PLAC1: variants seen among roughly 807,000 people sequenced by gnomAD.
PLAC1 encodes placenta associated 1.
For synonymous variants in PLAC1, 68 were observed against 62.1 expected, an observed-to-expected ratio of 1.09 and a Z score of -0.44; for missense variants, 136 against 163.2, an observed-to-expected ratio of 0.83 and a Z score of 0.91.
intron 1 of PLAC1, among the ~76,000 whole-genome samples, chrX:134,614,680 G>A (rs950135594): frequency 9.0e-6 from 1 of 111,088 alleles, no homozygotes; most frequent in Non-Finnish European, 1.9e-5. Context: ...TGTTGCCCAG[G>A]CTGGAGTGCA....
chrX:134,611,054 T>C (rs1468836111), intron 1 of PLAC1, among the ~76,000 whole-genome samples: 2 of 106,122 alleles, frequency 1.9e-5, no homozygotes, highest in Non-Finnish European at 3.8e-5. Context: ...AATTTTTGTG[T>C]TTTTTTGTAG....
chrX:134,711,143 T>C (rs2147833772), intron 2 of PLAC1, among the ~76,000 whole-genome samples: 1 of 112,014 alleles, frequency 8.9e-6, no homozygotes, highest in East Asian at 2.8e-4. Context: ...ATTTTCCTCC[T>C]ATGTACTAGT....
At chrX:134,569,831 ATTG>A (rs1242018863) in intron 2 of PLAC1, among the ~76,000 whole-genome samples, 3 of 95,630 alleles carry the variant, frequency 3.1e-5, no homozygotes, top group African/African-American at 7.7e-5. Context: ...TATTATTATT[ATTG>A]TTATTATTTG....
chrX:134,673,910 T>C (rs1253093916), intron 2 of PLAC1, among the ~76,000 whole-genome samples: 1 of 113,198 alleles, frequency 8.8e-6, no homozygotes, highest in Non-Finnish European at 1.9e-5. Context: ...TATAATCTTG[T>C]GTGGGGCTGG....
chrX:134,638,756 C>CTT lies in PLAC1; in HGVS notation c.-131+19570_-131+19571dup, dbSNP rs898945328. Among the ~76,000 whole-genome samples, 3 of 102,592 alleles carry CTT rather than the reference C, an allele frequency of 2.9e-5. No individual in the cohort carries two copies. In the East Asian group the frequency reaches 1.4e-3, roughly 47 times the overall value. 89.1% of individuals were successfully genotyped at this position (102,592 alleles called of 115,157 possible). A position where few individuals can be genotyped will look rare whatever the true frequency, so the allele number is the denominator to read the frequency against. On this transcript the variant is annotated intron_variant, in intron 1 of 2. Transcript: ENST00000359237. ...CCTTCCTGGCTATTGCCATTGCTGG[C>CTT]TTTTTTAAAAAAAAAAAAAGCAAAC...
chrX:134,639,921 C>T (rs1343892404), intron 1 of PLAC1, among the ~76,000 whole-genome samples: 2 of 111,902 alleles, frequency 1.8e-5, no homozygotes, highest in Admixed American at 9.5e-5. Flanking sequence ...TTTTTATAGC[C>T]GAATAATATT....
intron 1 of PLAC1, among the ~76,000 whole-genome samples, chrX:134,636,700 G>A (rs2078284964): frequency 8.9e-6 from 1 of 112,356 alleles, no homozygotes; most frequent in East Asian, 2.8e-4. Context: ...GACAGACCAA[G>A]GTCCCTAATA....
At chrX:134,573,555 T>G (rs925372762) in intron 2 of PLAC1, among the ~76,000 whole-genome samples, 1 of 111,536 alleles carries the variant, frequency 9.0e-6, no homozygotes, top group Non-Finnish European at 1.9e-5. Context: ...TTGAATCAGA[T>G]GTTCCTTCAA....
intron 2 of PLAC1, among the ~76,000 whole-genome samples, chrX:134,675,757 A>C (rs1247500968): frequency 1.8e-5 from 2 of 111,771 alleles, no homozygotes; most frequent in African/African-American, 3.3e-5. Flanking sequence ...GGTGTGGGCA[A>C]CCAATACAGA....
intron 2 of PLAC1, among the ~76,000 whole-genome samples, chrX:134,674,881 G>A (rs775298041): frequency 2.7e-5 from 3 of 112,528 alleles, no homozygotes; most frequent in South Asian, 3.7e-4. Context: ...GAAAGAACTC[G>A]GCCTAAGCTC....
intron 2 of PLAC1, among the ~76,000 whole-genome samples, chrX:134,583,720 C>T (rs545397969): frequency 3.6e-5 from 4 of 110,742 alleles, no homozygotes; most frequent in African/African-American, 1.3e-4. Context: ...GGGCTCTTTC[C>T]GCCCCCACCT....
Position 134,607,406 on chromosome X carries a change from G to T in PLAC1, c.-130-5284C>A, listed in dbSNP as rs751665115. ...AACACAAGGTTAAGATTCTTGCCAAGAGAATTAATGTGCATATTGAGCATA... is the reference window on the plus strand; with the variant it reads ...AACACAAGGTTAAGATTCTTGCCAATAGAATTAATGTGCATATTGAGCATA... On this transcript the variant is annotated intron_variant, in intron 1 of 2. Transcript: ENST00000359237. 4.0e-5 allele frequency: 5 copies of T among 126,427 alleles called. No homozygotes were observed. The East Asian group carries it at 1.2e-3, about 31-fold the overall frequency. 10.4% of individuals were successfully genotyped at this position (126,427 alleles called of 1,213,427 possible). A position where few individuals can be genotyped will look rare whatever the true frequency, so the allele number is the denominator to read the frequency against.
At chrX:134,567,800 A>AAGAG (rs1193095653) in intron 2 of PLAC1, among the ~76,000 whole-genome samples, 75 of 89,265 alleles carry the variant, frequency 8.4e-4, no homozygotes, top group Middle Eastern at 5.5e-3. Flanking sequence ...AAAGGAAAGA[A>AAGAG]AGAGAGAGAG....
intron 2 of PLAC1, among the ~76,000 whole-genome samples, chrX:134,678,030 G>C (rs901661750): frequency 3.9e-4 from 44 of 111,540 alleles, no homozygotes; most frequent in African/African-American, 1.4e-3. Context: ...CTTGAGCAAG[G>C]GGATGGATGG....
In PLAC1 at chrX:134,674,962, A is replaced by G. The variant is rs191854086; in HGVS notation, n.174+58473T>C. Among the ~76,000 whole-genome samples, 359 of 112,467 alleles carry G rather than the reference A, an allele frequency of 3.2e-3. 2 individuals carry two copies. The highest frequency in any genetic ancestry group is 9.7e-3 in the African/African-American group (300 of 31,034). ...CTCATTGAGAAAACACTCGTTCTTTATTCTCTTCAATTCTTAGCTGAGGCT... is the reference window on the plus strand; with the variant it reads ...CTCATTGAGAAAACACTCGTTCTTTGTTCTCTTCAATTCTTAGCTGAGGCT... On this transcript the variant is annotated intron_variant and non_coding_transcript_variant, in intron 2 of 2. Transcript: ENST00000466797.
chrX:134,723,568 C>G (rs896459426), intron 2 of PLAC1, among the ~76,000 whole-genome samples: 5 of 110,968 alleles, frequency 4.5e-5, no homozygotes, highest in Non-Finnish European at 9.4e-5. Flanking sequence ...CTGCCTTAGC[C>G]TTTCAAAGTG....
At chrX:134,631,446 G>T (rs754905645) in intron 1 of PLAC1, among the ~76,000 whole-genome samples, 1 of 112,017 alleles carries the variant, frequency 8.9e-6, no homozygotes, top group African/African-American at 3.2e-5. Flanking sequence ...TCTTGAAAAA[G>T]GTCACTCTCC....
intron 2 of PLAC1, among the ~76,000 whole-genome samples, chrX:134,681,588 T>TA (rs2078495988): frequency 9.0e-6 from 1 of 111,538 alleles, no homozygotes; most frequent in Admixed American, 9.5e-5. Context: ...CACAAATTTT[T>TA]AAAAAAGGTG....
intron 2 of PLAC1, among the ~76,000 whole-genome samples, chrX:134,585,175 C>CTAAAAAAA: frequency 3.0e-5 from 1 of 33,492 alleles, no homozygotes; most frequent in Non-Finnish European, 4.6e-5. Context: ...ACTAAAAGTA[C>CTAAAAAAA]AAAAAAAAAA....
Sources: allele counts gnomAD v4.1 joint callset (sites outside exome capture counted in the v4.1 genomes callset), GRCh38; gene constraint gnomAD v4.1.1; transcripts MANE v1.5; gene names NCBI Gene and HGNC (gene_info 2026-07-23, HGNC 2026-07-21).